LPIN1: variants seen among roughly 807,000 people sequenced by gnomAD.
The protein encoded by LPIN1 is phosphatidate phosphatase LPIN1.
A neutral mutation model predicts 107.5 loss-of-function variants in LPIN1; 71 were observed. The ratio of observed to expected loss-of-function variants is 0.66; its 90% CI spans 0.55 to 0.80. The LOEUF is 0.80. Ranked by LOEUF, LPIN1 falls within the 30% of genes least tolerant of loss-of-function variation. The probability of loss-of-function intolerance (pLI) is 0.00; values close to 1 mark genes in which losing one functional copy is unlikely to be tolerated. For missense variants in LPIN1, 1,043 were observed against 1,160.6 expected (o/e 0.90, Z 1.47); for synonymous variants, 445 against 452.6 (o/e 0.98, Z 0.21).
intron 1 of LPIN1, among the ~76,000 whole-genome samples, chr2:11,749,803 C>T (rs936459411): frequency 1.3e-5 from 2 of 152,214 alleles, no homozygotes; most frequent in South Asian, 2.1e-4. Flanking sequence ...ATTTTCACAC[C>T]GGTGGTCATG....
In LPIN1 at chr2:11,713,035, A is replaced by C. The variant is rs562503771; in HGVS notation, c.82-721A>C. Among the ~76,000 whole-genome samples, 14 of 152,322 alleles carry C rather than the reference A, an allele frequency of 9.2e-5. No individual in the cohort carries two copies. In the South Asian group the frequency reaches 2.9e-3, roughly 32 times the overall value. On this transcript the variant is annotated intron_variant, in intron 1 of 21. Coordinates refer to the LPIN1 transcript ENST00000449576. ...TATTGTTACCCACATTTTACAGGTA[A>C]GAAAACAAGCCCTGTGGCTAAGAAA... is the stretch of plus-strand genomic sequence containing the variant.
chr2:11,775,644 A>AT (rs1190453255), intron 5 of LPIN1, among the ~76,000 whole-genome samples: 1 of 152,204 alleles, frequency 6.6e-6, no homozygotes, highest in Non-Finnish European at 1.5e-5. Context: ...AGAGATGATC[A>AT]GTTCTACACA....
At chr2:11,743,606 G>A (rs1001336770), upstream of LPIN1, among the ~76,000 whole-genome samples, 6 of 152,172 alleles carry the variant, frequency 3.9e-5, no homozygotes, top group East Asian at 9.6e-4. The surrounding 1 kb of genome is among the most constrained non-coding windows in gnomAD (Gnocchi z 4.7). Context: ...CTTAGACCCC[G>A]AGGAGATGCC....
rs1400894684 is a variant in LPIN1, at chr2:11,779,410, C to CGACA, written c.831-107_831-104dup. 3 of 1,196,128 alleles carry CGACA rather than the reference C, an allele frequency of 2.5e-6. No individual in the cohort carries two copies. In the African/African-American group the frequency reaches 4.5e-5, roughly 18 times the overall value. The allele number at this position is 1,196,128 out of a possible 1,614,324, so 74.1% of individuals were successfully genotyped here. ...GTCATGAGGCTCCGCTCAGAGCGAA[C>CGACA]GACAGCTGGGGGTGCATTTTCTGGG... is the stretch of plus-strand genomic sequence containing the variant. On this transcript the variant is annotated intron_variant, in intron 6 of 20. Coordinates refer to ENST00000674199, the MANE Select transcript of LPIN1 (RefSeq NM_001349206.2).
chr2:11,764,078 G>GTATATA lies in LPIN1; in HGVS notation c.-9-1434_-9-1429dup, dbSNP rs770059867. On this transcript the variant is annotated intron_variant, in intron 1 of 20. Coordinates refer to ENST00000674199, the MANE Select transcript of LPIN1 (RefSeq NM_001349206.2). ...AATGTGTGTGTGTGTGTGTGTGTGT[G>GTATATA]TATATATATATATATATATATATAT... is the stretch of plus-strand genomic sequence containing the variant. The GTATATA allele has an allele frequency of 4.3e-3, 273 of 63,224 alleles. 3 individuals are homozygous for GTATATA. The highest frequency in any genetic ancestry group is 0.015 in the East Asian group (37 of 2,498). The allele number at this position is 63,224 out of a possible 1,614,324, so 3.9% of individuals were successfully genotyped here. A position where few individuals can be genotyped will look rare whatever the true frequency, so the allele number is the denominator to read the frequency against.
upstream of LPIN1, among the ~76,000 whole-genome samples, chr2:11,720,629 G>C (rs765082575): frequency 2.6e-5 from 4 of 152,072 alleles, no homozygotes; most frequent in Non-Finnish European, 5.9e-5. Context: ...TGTGGTAGAA[G>C]GGAACAGAGC....
chr2:11,798,980 CTTTTG>C (rs1320386147), intron 14 of LPIN1, among the ~76,000 whole-genome samples: 1 of 152,092 alleles, frequency 6.6e-6, no homozygotes, highest in East Asian at 1.9e-4. Context: ...GACATGAGCC[CTTTTG>C]TTTTGTTTTG....
upstream of LPIN1, among the ~76,000 whole-genome samples, chr2:11,720,018 C>A (rs115857327): frequency 3.2e-3 from 491 of 152,236 alleles, 3 homozygotes; most frequent in African/African-American, 0.012. Flanking sequence ...CCCCAGTGGG[C>A]AGCTTGCTCC....
intron 2 of LPIN1, among the ~76,000 whole-genome samples, chr2:11,766,671 A>G (rs1670946150): frequency 6.6e-6 from 1 of 152,204 alleles, no homozygotes; most frequent in African/African-American, 2.4e-5. Context: ...GGTGTCTAAC[A>G]TCAAAGGGTG....
At chr2:11,806,870 C>T (rs1678777198) in intron 17 of LPIN1, among the ~76,000 whole-genome samples, 2 of 152,156 alleles carry the variant, frequency 1.3e-5, no homozygotes, top group Non-Finnish European at 2.9e-5. Context: ...TTATTTACAT[C>T]CCCACACACA....
chr2:11,714,132 C>T (rs761035623), intron 2 of LPIN1, among the ~76,000 whole-genome samples: 1 of 152,228 alleles, frequency 6.6e-6, no homozygotes, highest in African/African-American at 2.4e-5. Flanking sequence ...AGGAAGAGGT[C>T]TGCATTCACA....
chr2:11,787,387 C>CTTTTGTTTTTTTTTTTTTTTT (rs1674778008), intron 11 of LPIN1, among the ~76,000 whole-genome samples: 1 of 131,620 alleles, frequency 7.6e-6, no homozygotes, highest in Non-Finnish European at 1.5e-5. Flanking sequence ...GTTTTCTTTT[C>CTTTTGTTTTTTTTTTTTTTTT]TTTTCTTTTT....
In LPIN1 at chr2:11,746,675, AGTAGCCGCCG is replaced by A. The variant is rs1311319514; in HGVS notation, c.-10+5_-10+14del. The A allele has an allele frequency of 2.0e-6, 2 of 984,214 alleles. No homozygotes were observed. Among genetic ancestry groups the A allele is most frequent in the Non-Finnish European group, 1.2e-6 (1 of 829,172 alleles). The allele number at this position is 984,214 out of a possible 1,614,324, so 61.0% of individuals were successfully genotyped here. ...CGGCCACGCGCGGCGCCGCTCGGTG[AGTAGCCGCCG>A]CCTCCAGCCTCCCGCTGTGGAGCAG... On this transcript the variant is annotated splice_donor_5th_base_variant and intron_variant, in intron 1 of 20. Coordinates refer to ENST00000674199, the MANE Select transcript of LPIN1 (RefSeq NM_001349206.2).
intron 1 of LPIN1, among the ~76,000 whole-genome samples, chr2:11,753,978 G>A (rs528551494): frequency 6.6e-6 from 1 of 152,306 alleles, no homozygotes; most frequent in South Asian, 2.1e-4. Flanking sequence ...ACCACAGATA[G>A]AGTCCCCAGG....
intron 10 of LPIN1, among the ~76,000 whole-genome samples, chr2:11,785,715 A>G (rs1392164474): frequency 1.3e-5 from 2 of 151,882 alleles, no homozygotes; most frequent in Non-Finnish European, 2.9e-5. Flanking sequence ...GAAGGGGCCG[A>G]GGCTGTGTAC....
chr2:11,754,817 C>T (rs10208679), intron 1 of LPIN1, among the ~76,000 whole-genome samples: 40,069 of 151,950 alleles, frequency 0.26, 6,168 homozygotes, highest in Non-Finnish European at 0.35. Flanking sequence ...CCAGGCCTTC[C>T]GACCCCCAAT....
intron 5 of LPIN1, among the ~76,000 whole-genome samples, chr2:11,775,605 G>A (rs1572743704): frequency 6.6e-6 from 1 of 152,124 alleles, no homozygotes; most frequent in Admixed American, 6.5e-5. Flanking sequence ...TTTGGATTAT[G>A]TAGTTTGATT....
intron 14 of LPIN1, among the ~76,000 whole-genome samples, chr2:11,801,464 A>C (rs542055705): frequency 4.7e-4 from 72 of 152,232 alleles, no homozygotes; most frequent in Non-Finnish European, 8.2e-4. Flanking sequence ...ACGTGGGTGG[A>C]ATAGGAGGTC....
Position 11,786,832 on chromosome 2 carries a change from A to C in LPIN1, c.1550-242A>C, listed in dbSNP as rs182885406. Among the ~76,000 whole-genome samples the C allele has an allele frequency of 1.3e-5, 2 of 152,302 alleles. No homozygotes were observed. Among genetic ancestry groups the C allele is most frequent in the East Asian group, 3.9e-4 (2 of 5,178 alleles). On this transcript the variant is annotated intron_variant, in intron 10 of 20. Transcript: ENST00000674199. The surrounding 1 kb of genome is among the most constrained non-coding windows in gnomAD (Gnocchi z 4.1). ...CTCCCTGTGTGAACGTATGTGCCTC[A>C]ACTAAGGTACACGTCCCCCAACATC...
Sources: gnomAD v4.1 joint callset for allele counts (sites outside exome capture counted in the v4.1 genomes callset) on GRCh38, gnomAD v4.1.1 for gene constraint, Gnocchi (gnomAD v3.1) non-coding constraint, MANE v1.5 for transcripts, NCBI Gene and HGNC (gene_info 2026-07-23, HGNC 2026-07-21) for gene names.